The following SGK3 variants were observed in gnomAD, a reference collection of about 807,000 sequenced individuals.
SGK3 encodes serum/glucocorticoid regulated kinase family member 3, also known as serine/threonine-protein kinase Sgk3.
SGK3 carries 47 observed loss-of-function variants against 68.5 expected under a neutral mutation model. The observed-to-expected ratio is 0.69, with a 90% CI of 0.54 to 0.87. SGK3 has a LOEUF of 0.87. SGK3 is among the 40% of genes least tolerant of loss of function. The pLI, the probability that SGK3 is intolerant of heterozygous loss-of-function variation, is 0.00. For missense variants in SGK3, 479 were observed against 575.5 expected (o/e 0.83, Z 1.72); for synonymous variants, 181 against 189.1 (o/e 0.96, Z 0.35).
At chr8:66,819,434 G>A (rs914071744) in intron 5 of SGK3, among the ~76,000 whole-genome samples, 7 of 152,190 alleles carry the variant, frequency 4.6e-5, no homozygotes, top group East Asian at 3.8e-4. Flanking sequence ...GTCAACTGCA[G>A]CATTGTTTAT....
At chr8:66,783,806 C>T (rs1054176167) in intron 1 of SGK3, among the ~76,000 whole-genome samples, 3 of 152,088 alleles carry the variant, frequency 2.0e-5, no homozygotes, top group Admixed American at 6.6e-5. Context: ...GATTAAAGGC[C>T]GAAGCATAGT....
chr8:66,739,798 C>T (rs1219830858), intron 1 of SGK3, among the ~76,000 whole-genome samples: 1 of 152,212 alleles, frequency 6.6e-6, no homozygotes, highest in Non-Finnish European at 1.5e-5. Context: ...GGAAAGCAAA[C>T]ATGTCCTTCT....
At chr8:66,723,401 G>A (rs1465755692) in intron 1 of SGK3, among the ~76,000 whole-genome samples, 2 of 151,406 alleles carry the variant, frequency 1.3e-5, no homozygotes, top group Non-Finnish European at 2.9e-5. Flanking sequence ...CCAAGATCAC[G>A]CCATTGCACT....
At chr8:66,852,237 T>C (rs1156530852) in intron 16 of SGK3, among the ~76,000 whole-genome samples, 1 of 151,916 alleles carries the variant, frequency 6.6e-6, no homozygotes, top group East Asian at 1.9e-4. Context: ...TTATTTTCTT[T>C]TTTTAAGTTT....
chr8:66,731,936 TA>T (rs1477444583), intron 1 of SGK3, among the ~76,000 whole-genome samples: 8 of 152,346 alleles, frequency 5.3e-5, no homozygotes, highest in African/African-American at 1.9e-4. Context: ...TGTGCTGGAA[TA>T]TTTTTTTCAA....
At chr8:66,839,539 A>ATATATATATATATATG (rs1809700871) in intron 10 of SGK3, among the ~76,000 whole-genome samples, 68 of 69,810 alleles carry the variant, frequency 9.7e-4, no homozygotes, top group Non-Finnish European at 1.6e-3. Context: ...ATATATATAT[A>ATATATATATATATATG]TATATATATA....
intron 1 of SGK3, among the ~76,000 whole-genome samples, chr8:66,787,750 A>G (rs1464658295): frequency 6.6e-6 from 1 of 152,234 alleles, no homozygotes; most frequent in Non-Finnish European, 1.5e-5. Context: ...AGACACAAAT[A>G]TGTTCACATT....
intron 15 of SGK3, among the ~76,000 whole-genome samples, chr8:66,849,127 G>A (rs77953371): frequency 0.065 from 9,876 of 152,136 alleles, 380 homozygotes; most frequent in African/African-American, 0.098. Context: ...GTCTTCCTGG[G>A]CAATCTCAAT....
intron 1 of SGK3, among the ~76,000 whole-genome samples, chr8:66,771,436 C>G (rs1806508150): frequency 6.6e-6 from 1 of 152,184 alleles, no homozygotes. Context: ...AGTCATTTTG[C>G]AAACTTGGTT....
intron 1 of SGK3, among the ~76,000 whole-genome samples, chr8:66,786,925 C>CTTTTTTTTTTTTTTTTTTTTTTTTT (rs71249407): frequency 2.1e-5 from 1 of 48,684 alleles, no homozygotes. Flanking sequence ...TTTTCTCTGT[C>CTTTTTTTTTTTTTTTTTTTTTTTTT]TTTTTTTTTT....
chr8:66,831,217 T>C (rs1201465966), intron 7 of SGK3, 37 bp from the exon 8 acceptor site: 2 of 1,606,484 alleles, frequency 1.2e-6, no homozygotes, highest in African/African-American at 2.7e-5. Flanking sequence ...TATTTCCAAT[T>C]TCTAGGAGGC....
rs142001446 is a variant in SGK3 at position 66,816,938 on chromosome 8, C to T, written c.329+3010C>T. Reference sequence around the variant, plus strand: ...CTCCGCTCCCTGGGCTCAAGCAGTTCTCTCACTTCAGCCTCCTGAGTAGCT... The same window carrying T: ...CTCCGCTCCCTGGGCTCAAGCAGTTTTCTCACTTCAGCCTCCTGAGTAGCT... On this transcript the variant is annotated intron_variant, in intron 5 of 16. Transcript: ENST00000521198. 5.5e-3 allele frequency among the ~76,000 whole-genome samples: 839 copies of T among 152,232 alleles called. 12 individuals carry two copies. The highest frequency in any genetic ancestry group is 0.018 in the African/African-American group (755 of 41,568).
At chr8:66,816,496 C>T (rs914975282) in intron 5 of SGK3, among the ~76,000 whole-genome samples, 1 of 151,838 alleles carries the variant, frequency 6.6e-6, no homozygotes, top group Non-Finnish European at 1.5e-5. Flanking sequence ...CAGGTGCGCG[C>T]CACCACGCCT....
At chr8:66,786,713 A>G (rs1807213489) in intron 1 of SGK3, among the ~76,000 whole-genome samples, 2 of 152,228 alleles carry the variant, frequency 1.3e-5, no homozygotes, top group South Asian at 4.1e-4. Context: ...TCCAGATACA[A>G]TTGAGGCAAG....
rs111758415 is a variant in SGK3, at chr8:66,857,799, A to ATGTGTGTGTGTG, written c.1321-1580_1321-1569dup. 1.0e-3 allele frequency among the ~76,000 whole-genome samples: 135 copies of ATGTGTGTGTGTG among 133,822 alleles called. 3 individuals carry two copies. Among genetic ancestry groups the ATGTGTGTGTGTG allele is most frequent in the East Asian group, 2.0e-3 (9 of 4,440 alleles). The allele number at this position is 133,822 out of a possible 152,430, so 87.8% of individuals were successfully genotyped here. ...CCCTGTCTCAAAAAAGTGTGTGTGT[A>ATGTGTGTGTGTG]TGTGTGTGTGTGTGTGTGTGTGTGT... On this transcript the variant is annotated intron_variant, in intron 16 of 16. Transcript: ENST00000521198.
chr8:66,749,932 G>GGTGTGTGT lies in SGK3; in HGVS notation c.-122+37126_-122+37133dup, dbSNP rs139702561. Among the ~76,000 whole-genome samples, 761 of 144,906 alleles carry GGTGTGTGT rather than the reference G, an allele frequency of 5.3e-3. 5 individuals are homozygous for GGTGTGTGT. The highest frequency in any genetic ancestry group is 0.017 in the African/African-American group (688 of 39,534). On this transcript the variant is annotated intron_variant, in intron 1 of 16. Coordinates refer to ENST00000521198, the MANE Select transcript of SGK3 (RefSeq NM_001033578.3). ...GCCTCTGCCTGGAAATAGTTTCTAG[G>GGTGTGTGT]GTGTGTGTGTGTGTGTGTGTGTGTG...
At chr8:66,726,445 T>C (rs1804987182) in intron 1 of SGK3, among the ~76,000 whole-genome samples, 1 of 152,116 alleles carries the variant, frequency 6.6e-6, no homozygotes, top group African/African-American at 2.4e-5. Context: ...ACAGGCAGAA[T>C]TTATTAACAA....
At chr8:66,817,282 T>G (rs1808629519) in intron 5 of SGK3, among the ~76,000 whole-genome samples, 1 of 151,870 alleles carries the variant, frequency 6.6e-6, no homozygotes. Context: ...AATACAAAAA[T>G]TAACCAGGCA....
At chr8:66,716,481 G>C (rs1804635686) in intron 1 of SGK3, among the ~76,000 whole-genome samples, 2 of 143,812 alleles carry the variant, frequency 1.4e-5, no homozygotes, top group South Asian at 4.4e-4. Context: ...ATTGGACAAA[G>C]TCCTGAAAAC....
Sources: gnomAD v4.1 joint callset for allele counts (sites outside exome capture counted in the v4.1 genomes callset) on GRCh38, gnomAD v4.1.1 for gene constraint, MANE v1.5 for transcripts, NCBI Gene and HGNC (gene_info 2026-07-23, HGNC 2026-07-21) for gene names.